The following TIAM1 variants were observed in gnomAD, a reference collection of about 807,000 sequenced individuals.
TIAM1 encodes TIAM Rac1 associated GEF 1.
TIAM1 carries 65 observed loss-of-function variants against 163.5 expected under a neutral mutation model. The observed-to-expected ratio is 0.40, with a 90% confidence interval of 0.33 to 0.49. The LOEUF (loss-of-function observed/expected upper bound fraction) is 0.49. TIAM1 is among the 20% of genes least tolerant of loss of function. The pLI is 0.77. For synonymous variants in TIAM1, 833 were observed against 810.1 expected (o/e 1.03, Z -0.48); for missense variants, 1,789 against 2,044.7 (o/e 0.87, Z 2.41).
At chr21:31,506,432 T>C (rs1290187936) in intron 1 of TIAM1, among the ~76,000 whole-genome samples, 1 of 152,144 alleles carries the variant, frequency 6.6e-6, no homozygotes, top group Non-Finnish European at 1.5e-5. Flanking sequence ...ATCACCAACA[T>C]CCATCTTCCG....
At chr21:31,455,590 T>C (rs187486007) in intron 2 of TIAM1, among the ~76,000 whole-genome samples, 1 of 151,846 alleles carries the variant, frequency 6.6e-6, no homozygotes. Context: ...TTTTTGTACT[T>C]TTAGTAGAAT....
intron 6 of TIAM1, among the ~76,000 whole-genome samples, chr21:31,234,748 C>G (rs971680111): frequency 6.7e-6 from 1 of 150,054 alleles, no homozygotes; most frequent in African/African-American, 2.5e-5. Context: ...TACCACTGCA[C>G]TCCAGCCTGG....
Position 31,423,700 on chromosome 21 carries a change from T to TAAAAAAA in TIAM1, c.-369+40276_-369+40282dup, listed in dbSNP as rs200137644. Among the ~76,000 whole-genome samples the TAAAAAAA allele has an allele frequency of 1.3e-3, 62 of 48,230 alleles. 1 individual carries two copies. Among genetic ancestry groups the TAAAAAAA allele is most frequent in the African/African-American group, 5.0e-3 (60 of 12,072 alleles). 31.6% of individuals were successfully genotyped at this position (48,230 alleles called of 152,430 possible). ...GATCATTTGGCATCCTAGAAAGTTG[T>TAAAAAAA]AAAAAAAAAAAAAAAAAAAAAAAAA... On this transcript the variant is annotated intron_variant, in intron 2 of 28. Coordinates refer to the TIAM1 transcript ENST00000286827.
At position 31,335,394 on chromosome 21, in the gene TIAM1, G is replaced by C. The variant is rs76290923; in HGVS notation, c.-189+3849C>G. 7.7e-3 allele frequency among the ~76,000 whole-genome samples: 1,168 copies of C among 152,208 alleles called. 14 individuals carry two copies. Among genetic ancestry groups the C allele is most frequent in the African/African-American group, 0.027 (1,121 of 41,526 alleles). Reference sequence around the variant, plus strand: ...AACAGTGAAATGCTAGGAGGAATTGGCTAATGTAGAAAAGATTTAGATCAG... The same window carrying C: ...AACAGTGAAATGCTAGGAGGAATTGCCTAATGTAGAAAAGATTTAGATCAG... On this transcript the variant is annotated intron_variant, in intron 2 of 27. Coordinates refer to ENST00000541036, the MANE Select transcript of TIAM1 (RefSeq NM_001353694.2).
chr21:31,360,291 T>A (rs2076387094), intron 2 of TIAM1, among the ~76,000 whole-genome samples: 1 of 151,772 alleles, frequency 6.6e-6, no homozygotes, highest in South Asian at 2.1e-4. Flanking sequence ...TAATAATAAT[T>A]AACAATAATG....
Position 31,119,247 on chromosome 21 carries a change from T to C in TIAM1, c.*1121A>G, listed in dbSNP as rs941698389. On this transcript the variant is annotated 3_prime_UTR_variant, in exon 28 of 28. Transcript: ENST00000541036. ...AAGTGTTAAACACAAGAGAAGTTTT[T>C]AAAGAGGTTGTTCTGTTTAAAGGTT... 1 of 152,646 alleles carries C rather than the reference T, an allele frequency of 6.6e-6. No individual in the cohort carries two copies. The highest frequency in any genetic ancestry group is 2.4e-5 in the African/African-American group (1 of 41,454). 9.5% of individuals were successfully genotyped at this position (152,646 alleles called of 1,614,324 possible). A position where few individuals can be genotyped will look rare whatever the true frequency, so the allele number is the denominator to read the frequency against.
At chr21:31,164,628 A>G (rs1299721683) in intron 16 of TIAM1, among the ~76,000 whole-genome samples, 2 of 152,198 alleles carry the variant, frequency 1.3e-5, no homozygotes, top group Non-Finnish European at 2.9e-5. Context: ...TCAATCCCAC[A>G]TACTTTTGAT....
At chr21:31,355,548 T>TTTATTTAA (rs1333398102) in intron 2 of TIAM1, among the ~76,000 whole-genome samples, 1 of 150,784 alleles carries the variant, frequency 6.6e-6, no homozygotes, top group Non-Finnish European at 1.5e-5. Flanking sequence ...TATTTATTTA[T>TTTATTTAA]TTATTTATTT....
At chr21:31,322,083 G>T (rs1209574788) in intron 2 of TIAM1, among the ~76,000 whole-genome samples, 1 of 152,066 alleles carries the variant, frequency 6.6e-6, no homozygotes, top group Non-Finnish European at 1.5e-5. Flanking sequence ...AGCAGAGAAA[G>T]AAATAAAAAT....
intron 2 of TIAM1, among the ~76,000 whole-genome samples, chr21:31,409,632 C>T (rs781410739): frequency 6.6e-5 from 10 of 152,212 alleles, no homozygotes; most frequent in Non-Finnish European, 1.2e-4. Context: ...TTCAGACCTC[C>T]GCACCACAGG....
At chr21:31,512,916 T>C (rs115228956) in intron 1 of TIAM1, among the ~76,000 whole-genome samples, 67 of 152,208 alleles carry the variant, frequency 4.4e-4, no homozygotes, top group African/African-American at 1.3e-3. Context: ...AGTGCTGTGA[T>C]TACAGGCACG....
chr21:31,348,272 G>A (rs973640396), upstream of TIAM1, among the ~76,000 whole-genome samples: 4 of 152,162 alleles, frequency 2.6e-5, no homozygotes, highest in African/African-American at 9.7e-5. Flanking sequence ...CGAATTTGAA[G>A]CCATCAGCCA....
At chr21:31,189,229 A>G (rs925859326) in intron 13 of TIAM1, among the ~76,000 whole-genome samples, 12 of 151,012 alleles carry the variant, frequency 7.9e-5, no homozygotes, top group South Asian at 4.2e-4. Flanking sequence ...TAATTTTTCT[A>G]ATTTTGGTAG....
At chr21:31,150,109 T>C (rs1424804439) in intron 19 of TIAM1, among the ~76,000 whole-genome samples, 1 of 152,200 alleles carries the variant, frequency 6.6e-6, no homozygotes, top group Non-Finnish European at 1.5e-5. Flanking sequence ...GGAATCTAGA[T>C]GAAGGGTATT....
At chr21:31,127,451 T>C (rs1601183439) in intron 25 of TIAM1, among the ~76,000 whole-genome samples, 1 of 151,416 alleles carries the variant, frequency 6.6e-6, no homozygotes, top group African/African-American at 2.4e-5. Context: ...TGGAGTCTCA[T>C]TCTGTCATCC....
chr21:31,237,413 C>T (rs2070950485), intron 6 of TIAM1, among the ~76,000 whole-genome samples: 1 of 152,180 alleles, frequency 6.6e-6, no homozygotes, highest in Non-Finnish European at 1.5e-5. Flanking sequence ...AAGACCTTAG[C>T]CTTTTCACAG....
In TIAM1 at chr21:31,120,537, C is replaced by T. The variant is rs200787648; in HGVS notation, c.4607G>A (p.Arg1536Gln). 423 of 1,614,096 alleles carry T rather than the reference C, an allele frequency of 2.6e-4. No individual in the cohort carries two copies. The highest frequency in any genetic ancestry group is 1.5e-3 in the Middle Eastern group (9 of 6,084). The change falls in exon 28 of 28, where the codon CGG becomes CAG. Residue 1536 changes from arginine (R) to glutamine (Q), a missense_variant. Arg to Gln is a conservative substitution (Grantham distance 43, BLOSUM62 1). Coordinates refer to ENST00000541036, the MANE Select transcript of TIAM1 (RefSeq NM_001353694.2). This position sits in a 1 kb window ranked among gnomAD's most constrained non-coding sequence, Gnocchi z 4.2. Reference protein sequence around the residue: ...ERLQATSISQRERGRKTLDSH... With the variant: ...ERLQATSISQQERGRKTLDSH... ...ATCCAGGGTTTTCCGGCCTCTTTCC[C>T]GCTGACTGATGGAGGTGGCCTGAAG... is the stretch of plus-strand genomic sequence containing the variant.
At chr21:31,207,090 G>C (rs904709136) in intron 11 of TIAM1, among the ~76,000 whole-genome samples, 3 of 152,124 alleles carry the variant, frequency 2.0e-5, no homozygotes, top group Non-Finnish European at 4.4e-5. Flanking sequence ...ACTGACACAT[G>C]GTCACATGTG....
Position 31,365,391 on chromosome 21 carries a change from T to TTTC in TIAM1, c.-368-25970_-368-25969insGAA, listed in dbSNP as rs1203719596. Among the ~76,000 whole-genome samples, 44 of 95,324 alleles carry TTTC rather than the reference T, an allele frequency of 4.6e-4. No individual in the cohort carries two copies. In the South Asian group the frequency reaches 4.9e-3, roughly 11 times the overall value. The allele number at this position is 95,324 out of a possible 152,430, so 62.5% of individuals were successfully genotyped here. On this transcript the variant is annotated intron_variant, in intron 2 of 28. Coordinates refer to the TIAM1 transcript ENST00000286827. ...CTGTGTCTCACTTATTTCTTTCTTT[T>TTTC]TTTTTTTTTTTTTTTGAGAGGGAGT...
Sources: gnomAD v4.1 joint callset for allele counts (sites outside exome capture counted in the v4.1 genomes callset) on GRCh38, gnomAD v4.1.1 for gene constraint, Gnocchi (gnomAD v3.1) non-coding constraint, MANE v1.5 for transcripts, NCBI Gene and HGNC (gene_info 2026-07-23, HGNC 2026-07-21) for gene names.